Variants in EXOC2 observed in about 807,000 individuals in gnomAD.
EXOC2 encodes the protein exocyst complex component 2.
In EXOC2, 70 loss-of-function variants were observed where a neutral mutation model predicts 131.8. The observed-to-expected ratio is 0.53, with a 90% CI of 0.44 to 0.65. The LOEUF is 0.65. Among genes scored for constraint, EXOC2 ranks in the 30% least tolerant of loss-of-function variants. The pLI is 0.00. For synonymous variants in EXOC2, 411 were observed against 398.4 expected (o/e 1.03, Z -0.38); for missense variants, 923 against 1,108.6 (o/e 0.83, Z 2.38).
chr6:642,255 A>G (rs1762389463), intron 1 of EXOC2, among the ~76,000 whole-genome samples: 1 of 152,144 alleles, frequency 6.6e-6, no homozygotes, highest in African/African-American at 2.4e-5. Flanking sequence ...GTTAATATTC[A>G]CTGTGTTAAA....
Position 691,944 on chromosome 6 carries a change from T to A in EXOC2, c.-44+1075A>T, listed in dbSNP as rs1755291604. Among the ~76,000 whole-genome samples, 5 of 152,336 alleles carry A rather than the reference T, an allele frequency of 3.3e-5. 1 individual carries two copies. The South Asian group carries it at 1.0e-3, about 32-fold the overall frequency. On this transcript the variant is annotated intron_variant, in intron 1 of 27. Transcript: ENST00000230449. ...TTACTACTCTGGGAATCGCCAACTT[T>A]TAGCACAAAAAAATCATCTTTGAGA...
intron 11 of EXOC2, among the ~76,000 whole-genome samples, chr6:589,819 G>C (rs1217748075): frequency 6.6e-6 from 1 of 152,182 alleles, no homozygotes; most frequent in Non-Finnish European, 1.5e-5. Flanking sequence ...TTGTTAAAAA[G>C]CCCCAGTGGA....
chr6:581,565 T>C (rs529367001), intron 11 of EXOC2, among the ~76,000 whole-genome samples: 2 of 152,206 alleles, frequency 1.3e-5, no homozygotes, highest in East Asian at 3.9e-4. Context: ...TGCAAAATTC[T>C]ATGTGATATT....
intron 1 of EXOC2, among the ~76,000 whole-genome samples, chr6:683,101 G>T (rs1399195131): frequency 6.6e-6 from 1 of 152,192 alleles, no homozygotes; most frequent in Non-Finnish European, 1.5e-5. Context: ...AGGGTGAAGA[G>T]TAGCAAATAA....
chr6:632,397 C>T (rs1020918370), intron 3 of EXOC2, among the ~76,000 whole-genome samples: 2 of 152,134 alleles, frequency 1.3e-5, no homozygotes, highest in South Asian at 2.1e-4. Context: ...ACACTGCTAA[C>T]GGAAGGCAGC....
intron 22 of EXOC2, among the ~76,000 whole-genome samples, chr6:544,779 T>C (rs1389364979): frequency 2.0e-5 from 3 of 152,166 alleles, no homozygotes; most frequent in African/African-American, 4.8e-5. Context: ...GGAACTTCCC[T>C]GGACATATAA....
chr6:561,647 G>A (rs183548824), intron 17 of EXOC2, among the ~76,000 whole-genome samples: 1 of 152,054 alleles, frequency 6.6e-6, no homozygotes, highest in Non-Finnish European at 1.5e-5. Flanking sequence ...GTACAGTGGC[G>A]CGATCTCGGC....
intron 16 of EXOC2, 55 bp downstream of exon 16, chr6:563,978 T>C (rs115686195): frequency 1.9e-6 from 3 of 1,588,290 alleles, no homozygotes; most frequent in Non-Finnish European, 2.6e-6. Context: ...TGAAAGGAGG[T>C]GGCACATTCA....
At chr6:552,149 G>A (rs895204549) in intron 21 of EXOC2, among the ~76,000 whole-genome samples, 1 of 152,192 alleles carries the variant, frequency 6.6e-6, no homozygotes, top group African/African-American at 2.4e-5. Flanking sequence ...GATCAACCAC[G>A]TTGCTAAATA....
At chr6:514,356 T>C (rs1349430101) in intron 23 of EXOC2, among the ~76,000 whole-genome samples, 4 of 152,224 alleles carry the variant, frequency 2.6e-5, no homozygotes, top group Non-Finnish European at 5.9e-5. Flanking sequence ...AAATTGGAGA[T>C]GATTACCCAA....
chr6:685,869 CTTTTTT>C (rs58892194), intron 1 of EXOC2, among the ~76,000 whole-genome samples: 4,909 of 98,276 alleles, frequency 0.05, 166 homozygotes, highest in Middle Eastern at 0.1. Context: ...TCCTGGACCT[CTTTTTT>C]TTTTTTTTTT....
At chr6:613,289 C>A (rs1443410508) in intron 6 of EXOC2, among the ~76,000 whole-genome samples, 1 of 152,042 alleles carries the variant, frequency 6.6e-6, no homozygotes, top group Admixed American at 6.6e-5. Flanking sequence ...TGGGGACACA[C>A]AGGAAGAAAC....
At chr6:656,470 GGCGGAT>G in intron 1 of EXOC2, 1 of 1,612,018 alleles carries the variant, frequency 6.2e-7, no homozygotes, top group South Asian at 1.1e-5. Context: ...CAGCGCGGCA[GGCGGAT>G]GCTCGCGTCG....
chr6:606,584 T>C (rs1313568187), intron 7 of EXOC2, among the ~76,000 whole-genome samples: 1 of 152,266 alleles, frequency 6.6e-6, no homozygotes, highest in Non-Finnish European at 1.5e-5. Context: ...TTCTGTGCTC[T>C]GACAGATTAT....
At chr6:569,309 T>C (rs1004963684) in intron 13 of EXOC2, among the ~76,000 whole-genome samples, 2 of 152,232 alleles carry the variant, frequency 1.3e-5, no homozygotes, top group Non-Finnish European at 2.9e-5. Context: ...AGACCAAAAC[T>C]GCTTTGTGGT....
chr6:677,670 T>C (rs552720440), intron 1 of EXOC2, among the ~76,000 whole-genome samples: 1 of 152,180 alleles, frequency 6.6e-6, no homozygotes, highest in African/African-American at 2.4e-5. Context: ...GGTTTCACCA[T>C]GTTGGTCGGG....
chr6:606,892 C>T (rs1238815152), intron 7 of EXOC2, among the ~76,000 whole-genome samples: 1 of 152,212 alleles, frequency 6.6e-6, no homozygotes, highest in African/African-American at 2.4e-5. Context: ...TCATCTTTAT[C>T]GACCAATCCC....
chr6:502,457 T>C (rs1210864764), intron 23 of EXOC2, among the ~76,000 whole-genome samples: 31 of 152,162 alleles, frequency 2.0e-4, no homozygotes, highest in Admixed American at 2.0e-3. Flanking sequence ...ACATGCTCAG[T>C]GACAGCCTGC....
Position 521,765 on chromosome 6 carries a change from C to T in EXOC2, c.2380+10704G>A, listed in dbSNP as rs772341411. On this transcript the variant is annotated intron_variant, in intron 23 of 27. Coordinates refer to ENST00000230449, the MANE Select transcript of EXOC2 (RefSeq NM_018303.6). ...TTGGTCTCTAACTCCTGGGCTCAAG[C>T]GATTCACCTACCTCAGCCTCCCAAA... 2.0e-5 allele frequency among the ~76,000 whole-genome samples: 3 copies of T among 151,990 alleles called. No homozygotes were observed. In the South Asian group the frequency reaches 6.2e-4, roughly 32 times the overall value.
Sources: allele counts gnomAD v4.1 joint callset (sites outside exome capture counted in the v4.1 genomes callset), GRCh38; gene constraint gnomAD v4.1.1; transcripts MANE v1.5; gene names NCBI Gene and HGNC (gene_info 2026-07-23, HGNC 2026-07-21).